NOL4: variants seen among roughly 807,000 people sequenced by gnomAD.
The protein encoded by NOL4 is cancer/testis antigen 125.
NOL4 carries 17 observed loss-of-function variants against 75.9 expected under a neutral mutation model. The observed-to-expected ratio is 0.22, with a 90% CI of 0.15 to 0.34. NOL4 has a LOEUF of 0.34. Among genes scored for constraint, NOL4 ranks in the 10% least tolerant of loss-of-function variants. The pLI is 1.00. For missense variants in NOL4, 614 were observed against 793.5 expected (o/e 0.77, Z 2.72); for synonymous variants, 292 against 289.9 (o/e 1.01, Z -0.07).
At chr18:34,217,579 G>A (rs977615570) in intron 1 of NOL4, among the ~76,000 whole-genome samples, 8 of 152,038 alleles carry the variant, frequency 5.3e-5, no homozygotes, top group Middle Eastern at 3.2e-3. Context: ...GAGCCACCGC[G>A]CTTGACCTTG....
intron 1 of NOL4, among the ~76,000 whole-genome samples, chr18:34,142,632 G>A (rs2081221115): frequency 6.6e-6 from 1 of 152,126 alleles, no homozygotes; most frequent in South Asian, 2.1e-4. Context: ...ATTGAACAAT[G>A]AGAACACTTG....
intron 1 of NOL4, among the ~76,000 whole-genome samples, chr18:34,189,225 A>C (rs1600833592): frequency 6.6e-6 from 1 of 152,192 alleles, no homozygotes; most frequent in Non-Finnish European, 1.5e-5. Context: ...CAAAAGAGGC[A>C]AAACATGAGG....
Position 33,947,008 on chromosome 18 carries a change from C to T in NOL4, c.1429-3830G>A, listed in dbSNP as rs185198793. Among the ~76,000 whole-genome samples, 9 of 151,584 alleles carry T rather than the reference C, an allele frequency of 5.9e-5. No individual in the cohort carries two copies. In the East Asian group the frequency reaches 1.7e-3, roughly 29 times the overall value. On this transcript the variant is annotated intron_variant, in intron 8 of 10. Coordinates refer to ENST00000261592, the MANE Select transcript of NOL4 (RefSeq NM_003787.5). The stretch of plus-strand genomic sequence containing the variant: ...CTCTTTGCTTCTAATATTAATGAGC[C>T]AATAATAAATGCCAATACTCTCCAA...
At chr18:34,154,428 AC>A (rs1399130119) in intron 1 of NOL4, among the ~76,000 whole-genome samples, 5 of 151,882 alleles carry the variant, frequency 3.3e-5, no homozygotes, top group African/African-American at 1.2e-4. Context: ...GATAGCTACT[AC>A]CTTAGCTTCT....
intron 1 of NOL4, among the ~76,000 whole-genome samples, chr18:34,148,513 C>T (rs547144070): frequency 6.6e-6 from 1 of 151,632 alleles, no homozygotes; most frequent in African/African-American, 2.4e-5. Flanking sequence ...TTTCCATGTA[C>T]TTGTACAGTT....
At chr18:33,916,334 G>A (rs758869174) in intron 9 of NOL4, among the ~76,000 whole-genome samples, 5 of 152,164 alleles carry the variant, frequency 3.3e-5, no homozygotes, top group Admixed American at 1.3e-4. Context: ...AAATTGAATT[G>A]AAGATGACAA....
chr18:33,872,259 T>C (rs2063733956), intron 10 of NOL4, among the ~76,000 whole-genome samples: 1 of 152,006 alleles, frequency 6.6e-6, no homozygotes, highest in Non-Finnish European at 1.5e-5. Context: ...TCTTTTAAAA[T>C]TTGTTTTGTT....
chr18:34,113,478 T>G (rs1361813170), intron 2 of NOL4, among the ~76,000 whole-genome samples: 1 of 151,974 alleles, frequency 6.6e-6, no homozygotes, highest in African/African-American at 2.4e-5. Context: ...CTATATAAAA[T>G]TTTAAAAATT....
intron 9 of NOL4, among the ~76,000 whole-genome samples, chr18:33,911,103 C>T (rs1286177949): frequency 6.6e-6 from 1 of 151,988 alleles, no homozygotes; most frequent in African/African-American, 2.4e-5. Context: ...TGTTGGTTGA[C>T]ATATTTGGCT....
chr18:34,164,258 A>G (rs1340410813), intron 1 of NOL4, among the ~76,000 whole-genome samples: 1 of 151,978 alleles, frequency 6.6e-6, no homozygotes, highest in Non-Finnish European at 1.5e-5. Flanking sequence ...AATTAAACAC[A>G]AGAGCTTCTG....
At chr18:33,982,729 T>A (rs2072066233) in intron 6 of NOL4, among the ~76,000 whole-genome samples, 1 of 149,400 alleles carries the variant, frequency 6.7e-6, no homozygotes, top group Non-Finnish European at 1.5e-5. Flanking sequence ...CTGTGGTATA[T>A]CCAGACAATG....
At chr18:33,917,517 C>A (rs943774941) in intron 9 of NOL4, among the ~76,000 whole-genome samples, 6 of 151,974 alleles carry the variant, frequency 3.9e-5, no homozygotes, top group Non-Finnish European at 8.8e-5. Context: ...AATGTTTTTA[C>A]AACAGGGTCT....
chr18:34,030,537 T>C (rs1296278588), intron 5 of NOL4, among the ~76,000 whole-genome samples: 1 of 152,176 alleles, frequency 6.6e-6, no homozygotes, highest in Middle Eastern at 3.2e-3. Flanking sequence ...AATATAATAA[T>C]CTTCAAAAAT....
intron 9 of NOL4, among the ~76,000 whole-genome samples, chr18:33,907,176 A>C (rs1342789056): frequency 6.6e-6 from 1 of 151,930 alleles, no homozygotes; most frequent in African/African-American, 2.4e-5. Context: ...ACAAAAAATT[A>C]GCTAGACGTG....
chr18:34,182,895 C>T lies in NOL4; in HGVS notation c.264+40095G>A, dbSNP rs576844826. On this transcript the variant is annotated intron_variant, in intron 1 of 10. Transcript: ENST00000261592. ...ACATGAAATTTGACCATTCTTCACACTTTGTTAACTCAAAATGAACTATAG... is the reference window on the plus strand; with the variant it reads ...ACATGAAATTTGACCATTCTTCACATTTTGTTAACTCAAAATGAACTATAG... Among the ~76,000 whole-genome samples the T allele has an allele frequency of 2.6e-5, 4 of 151,830 alleles. No individual in the cohort carries two copies. The South Asian group carries it at 6.2e-4, about 24-fold the overall frequency.
chr18:33,989,364 C>T lies in NOL4; in HGVS notation c.1056+29954G>A, dbSNP rs897689401. Among the ~76,000 whole-genome samples the T allele has an allele frequency of 1.3e-4, 19 of 151,664 alleles. 1 individual carries two copies. Among genetic ancestry groups the T allele is most frequent in the South Asian group, 1.2e-3 (6 of 4,802 alleles). ...TATGAACCAGCTGAGTAAAAAAATA[C>T]GAAAAATTTATAGCATACATGTATT... On this transcript the variant is annotated intron_variant, in intron 6 of 10. Coordinates refer to ENST00000261592, the MANE Select transcript of NOL4 (RefSeq NM_003787.5).
At chr18:34,105,184 G>T (rs201447478) in intron 2 of NOL4, 24 bp from the exon 3 acceptor site, 2 of 1,420,410 alleles carry the variant, frequency 1.4e-6, no homozygotes, top group African/African-American at 1.4e-5. Flanking sequence ...CAAAATACAG[G>T]TGTTATTATA....
At chr18:33,998,341 C>CA (rs1016430052) in intron 6 of NOL4, among the ~76,000 whole-genome samples, 38 of 152,106 alleles carry the variant, frequency 2.5e-4, no homozygotes, top group African/African-American at 8.7e-4. Flanking sequence ...AATTCCCTTT[C>CA]AATATAAACC....
chr18:34,092,098 C>T (rs909845057), intron 5 of NOL4, among the ~76,000 whole-genome samples: 1 of 151,398 alleles, frequency 6.6e-6, no homozygotes, highest in Non-Finnish European at 1.5e-5. Flanking sequence ...CAAGGAGATA[C>T]CTAAGTTAAA....
Sources: gnomAD v4.1 joint callset for allele counts (sites outside exome capture counted in the v4.1 genomes callset) on GRCh38, gnomAD v4.1.1 for gene constraint, MANE v1.5 for transcripts, NCBI Gene and HGNC (gene_info 2026-07-23, HGNC 2026-07-21) for gene names.